The following BFSP2 variants were observed in gnomAD, a reference collection of about 807,000 sequenced individuals.
The protein encoded by BFSP2 is phakinin.
Under a neutral mutation model 44.9 loss-of-function variants are expected in BFSP2, and 38 were observed. The ratio of observed to expected loss-of-function variants is 0.85; its 90% CI spans 0.65 to 1.11. The LOEUF (loss-of-function observed/expected upper bound fraction) is 1.11, where lower values mean the gene tolerates loss of function less well. Ranked by LOEUF, BFSP2 falls within the 50% of genes least tolerant of loss-of-function variation. The pLI, the probability that BFSP2 is intolerant of heterozygous loss-of-function variation, is 0.00. For missense variants in BFSP2, 525 were observed against 533.0 expected, an observed-to-expected ratio of 0.99 and a Z score of 0.15; for synonymous variants, 197 against 209.9, an observed-to-expected ratio of 0.94 and a Z score of 0.53.
At chr3:133,404,351 T>A (rs900033667) in intron 1 of BFSP2, among the ~76,000 whole-genome samples, 3 of 152,116 alleles carry the variant, frequency 2.0e-5, no homozygotes, top group Non-Finnish European at 2.9e-5. Flanking sequence ...TGGGAGCCCC[T>A]TCTGACACCT....
chr3:133,446,574 A>T (rs1403284603), intron 1 of BFSP2, among the ~76,000 whole-genome samples: 74 of 7,438 alleles, frequency 9.9e-3, no homozygotes, highest in East Asian at 0.022. Flanking sequence ...CACCATTTAT[A>T]TATATATATA....
intron 6 of BFSP2, among the ~76,000 whole-genome samples, chr3:133,473,506 A>G (rs1221328678): frequency 7.0e-6 from 1 of 141,914 alleles, no homozygotes; most frequent in East Asian, 2.1e-4. Flanking sequence ...TTTCTCGCAG[A>G]GGGGGATTTG....
At chr3:133,416,511 A>G (rs917185570) in intron 1 of BFSP2, among the ~76,000 whole-genome samples, 8 of 131,038 alleles carry the variant, frequency 6.1e-5, no homozygotes, top group Non-Finnish European at 1.1e-4. Context: ...TCTGCCCTCT[A>G]CTGACCCCTG....
intron 4 of BFSP2, among the ~76,000 whole-genome samples, chr3:133,465,001 CTTT>C (rs71136470): frequency 4.5e-5 from 6 of 132,100 alleles, no homozygotes; most frequent in African/African-American, 1.1e-4. Context: ...CTTGGGGTTT[CTTT>C]TTTTTTTTTT....
chr3:133,415,917 C>T lies in BFSP2; in HGVS notation c.489+15345C>T, dbSNP rs549135821. Among the ~76,000 whole-genome samples, 3 of 144,162 alleles carry T rather than the reference C, an allele frequency of 2.1e-5. No homozygotes were observed. In the South Asian group the frequency reaches 7.0e-4, roughly 34 times the overall value. 94.6% of individuals were successfully genotyped at this position (144,162 alleles called of 152,430 possible). On this transcript the variant is annotated intron_variant, in intron 1 of 6. Transcript: ENST00000302334. Reference sequence around the variant, plus strand: ...CTTGCCCTCTCCCCTCTACTCACCTCTGTACTCAGCCCTGCCATCTCCCCT... The same window carrying T: ...CTTGCCCTCTCCCCTCTACTCACCTTTGTACTCAGCCCTGCCATCTCCCCT...
chr3:133,419,469 T>C (rs2073573296), intron 1 of BFSP2, among the ~76,000 whole-genome samples: 1 of 152,162 alleles, frequency 6.6e-6, no homozygotes, highest in African/African-American at 2.4e-5. Flanking sequence ...CCCAGAACCC[T>C]GAAGGGTAGG....
chr3:133,448,952 TC>T, intron 3 of BFSP2: 1 of 374,942 alleles, frequency 2.7e-6, no homozygotes, highest in South Asian at 2.8e-5. Context: ...CTCAATGCAT[TC>T]TATGTCAGGT....
intron 1 of BFSP2, among the ~76,000 whole-genome samples, chr3:133,431,823 G>C (rs1240566663): frequency 6.6e-6 from 1 of 152,112 alleles, no homozygotes; most frequent in Non-Finnish European, 1.5e-5. Context: ...TGCCAACTTA[G>C]ACAATACCCT....
chr3:133,436,325 C>CAAAAAAA (rs57060416), intron 1 of BFSP2, among the ~76,000 whole-genome samples: 3 of 78,106 alleles, frequency 3.8e-5, no homozygotes, highest in African/African-American at 1.4e-4. Context: ...GACTCTGTCT[C>CAAAAAAA]AAAAAAAAAA....
intron 1 of BFSP2, among the ~76,000 whole-genome samples, chr3:133,409,236 G>GTA (rs1343577669): frequency 1.3e-5 from 2 of 151,600 alleles, no homozygotes; most frequent in African/African-American, 4.8e-5. Flanking sequence ...TGGTGTGTGT[G>GTA]TGTGTGTGTG....
In BFSP2 at chr3:133,400,213, A is replaced by G. The variant is rs776840635; in HGVS notation, c.130A>G (p.Thr44Ala). 1.2e-5 allele frequency: 19 copies of G among 1,613,952 alleles called. No individual in the cohort carries two copies. The highest frequency in any genetic ancestry group is 1.2e-5 in the Non-Finnish European group (14 of 1,179,996). ...CCTGGAGAGCCCCCCAGCCTCCAGG[A>G]CCAATGCCATGAGTGGCCTTGTCCG... ...SSLESPPASR[T>A]NAMSGLVRAP... is the part of the protein sequence containing the mutation. The change falls in exon 1 of 7, where the codon ACC becomes GCC. Residue 44 changes from threonine (T) to alanine (A), a missense_variant. Thr to Ala is a moderately conservative substitution (Grantham distance 58). Transcript: ENST00000302334. The surrounding 1 kb of genome is among the most constrained non-coding windows in gnomAD (Gnocchi z 4.0).
chr3:133,425,644 G>C (rs530500391), intron 1 of BFSP2, among the ~76,000 whole-genome samples: 2 of 151,856 alleles, frequency 1.3e-5, no homozygotes, highest in South Asian at 4.2e-4. Context: ...TGCCCAGGTA[G>C]GGCCAAGCAC....
chr3:133,410,632 C>G, intron 1 of BFSP2: 4 of 299,632 alleles, frequency 1.3e-5, no homozygotes. Flanking sequence ...TCGTTGATGT[C>G]AAAGTTCAGT....
chr3:133,475,038 T>C lies in BFSP2; in HGVS notation c.*66T>C. On this transcript the variant is annotated 3_prime_UTR_variant, in exon 7 of 7. Transcript: ENST00000302334. Reference sequence around the variant, plus strand: ...TCAACAGCTGACCCAAGAAGTTGCTTGAGGAGCTTTCTCCTGAGCTCCAGT... The same window carrying C: ...TCAACAGCTGACCCAAGAAGTTGCTCGAGGAGCTTTCTCCTGAGCTCCAGT... 1 of 1,596,490 alleles carries C rather than the reference T, an allele frequency of 6.3e-7. No individual in the cohort carries two copies. The highest frequency in any genetic ancestry group is 8.6e-7 in the Non-Finnish European group (1 of 1,163,982).
At chr3:133,474,848 A>C (rs1365473743) in intron 6 of BFSP2, 121 bp from the exon 7 acceptor site, 8 of 1,356,374 alleles carry the variant, frequency 5.9e-6, no homozygotes, top group Non-Finnish European at 7.4e-6. Flanking sequence ...AAAACCCAAA[A>C]CTATCTTGTT....
At chr3:133,467,848 T>A (rs2074126462) in intron 5 of BFSP2, among the ~76,000 whole-genome samples, 1 of 152,128 alleles carries the variant, frequency 6.6e-6, no homozygotes, top group Admixed American at 6.5e-5. Context: ...AGGCGCATGA[T>A]AGGATGTAGG....
Position 133,400,520 on chromosome 3 carries a change from G to C in BFSP2, c.437G>C (p.Arg146Pro). ...LRMHLESKAT[R>P]SGNWGALRAS... Reference sequence around the variant, plus strand: ...ATGCACCTGGAGAGCAAAGCCACACGCTCGGGAAACTGGGGTGCCCTACGG... The same window carrying C: ...ATGCACCTGGAGAGCAAAGCCACACCCTCGGGAAACTGGGGTGCCCTACGG... The change falls in exon 1 of 7, where the codon CGC becomes CCC. Residue 146 changes from arginine to proline, a missense_variant. Physicochemically the swap from Arg to Pro is moderately radical, Grantham distance 103 (BLOSUM62 -2). Transcript: ENST00000302334. This position sits in a 1 kb window ranked among gnomAD's most constrained non-coding sequence, Gnocchi z 4.0. 1.2e-6 allele frequency: 2 copies of C among 1,613,758 alleles called. No homozygotes were observed. The highest frequency in any genetic ancestry group is 1.7e-6 in the Non-Finnish European group (2 of 1,179,944).
chr3:133,446,535 G>A (rs2073898386), intron 1 of BFSP2, among the ~76,000 whole-genome samples: 1 of 122,456 alleles, frequency 8.2e-6, no homozygotes, highest in African/African-American at 3.3e-5. Context: ...GCTCCACCCT[G>A]CAGGCTCCCC....
In BFSP2 at chr3:133,471,802, G is replaced by A. The variant is rs541356869; in HGVS notation, c.1024-543G>A. On this transcript the variant is annotated intron_variant, in intron 5 of 6. Coordinates refer to ENST00000302334, the MANE Select transcript of BFSP2 (RefSeq NM_003571.4). ...CTACTAAAACACCAAAGGGGAAAGC[G>A]CTGAGTATATAAAGGCCAGAGACAT... Among the ~76,000 whole-genome samples, 8 of 152,222 alleles carry A rather than the reference G, an allele frequency of 5.3e-5. No homozygotes were observed. In the South Asian group the frequency reaches 6.2e-4, roughly 12 times the overall value.
Sources: allele counts gnomAD v4.1 joint callset (sites outside exome capture counted in the v4.1 genomes callset), GRCh38; gene constraint gnomAD v4.1.1; non-coding constraint Gnocchi (gnomAD v3.1); transcripts MANE v1.5; gene names NCBI Gene and HGNC (gene_info 2026-07-23, HGNC 2026-07-21).